Variants in ZER1 observed in about 807,000 individuals in gnomAD.
ZER1 encodes the protein protein zer-1 homolog.
Under a neutral mutation model 78.8 loss-of-function variants are expected in ZER1, and 11 were observed. That is an observed-to-expected ratio of 0.14 (90% CI 0.09 to 0.23). The LOEUF is 0.23. Among genes scored for constraint, ZER1 ranks in the 10% least tolerant of loss-of-function variants. The pLI is 1.00. For synonymous variants in ZER1, 400 were observed against 407.0 expected (o/e 0.98, Z 0.21); for missense variants, 588 against 996.9 (o/e 0.59, Z 5.52).
chr9:128,736,440 C>A (rs1353666802), intron 13 of ZER1, among the ~76,000 whole-genome samples: 1 of 149,398 alleles, frequency 6.7e-6, no homozygotes, highest in Admixed American at 6.7e-5. Flanking sequence ...GTCGCCCAGG[C>A]TGGAGTTCAG....
intron 1 of ZER1, among the ~76,000 whole-genome samples, chr9:128,770,127 C>A (rs1314452913): frequency 2.6e-5 from 4 of 151,964 alleles, no homozygotes; most frequent in Non-Finnish European, 2.9e-5. Flanking sequence ...CCCACTGTTT[C>A]TTTCTTTTTT....
chr9:128,760,646 A>AT (rs1374359224), intron 1 of ZER1, among the ~76,000 whole-genome samples: 1 of 152,004 alleles, frequency 6.6e-6, no homozygotes. Context: ...CAAAAAAAAA[A>AT]GCTGGGTGTT....
chr9:128,739,906 T>C (rs1348395829), intron 13 of ZER1, 25 bp downstream of exon 13: 1 of 1,594,346 alleles, frequency 6.3e-7, no homozygotes, highest in African/African-American at 1.3e-5. Context: ...CCACACCGCA[T>C]CCCCGCTCCC....
chr9:128,744,794 TAG>T (rs1228592486), intron 8 of ZER1, among the ~76,000 whole-genome samples: 1 of 152,204 alleles, frequency 6.6e-6, no homozygotes, highest in Non-Finnish European at 1.5e-5. Context: ...CCGCTTTTTA[TAG>T]AGATATTCTA....
At chr9:128,749,911 C>T (rs1008032778) in intron 8 of ZER1, among the ~76,000 whole-genome samples, 19 of 152,110 alleles carry the variant, frequency 1.2e-4, no homozygotes, top group African/African-American at 3.4e-4. Flanking sequence ...GGCATGGTGG[C>T]GCATGCCTGT....
At chr9:128,766,614 G>C (rs1229286625) in intron 1 of ZER1, among the ~76,000 whole-genome samples, 1 of 151,972 alleles carries the variant, frequency 6.6e-6, no homozygotes, top group Non-Finnish European at 1.5e-5. Context: ...GGGAGGCCAA[G>C]GCAGGTGGAT....
intron 8 of ZER1, among the ~76,000 whole-genome samples, chr9:128,746,825 C>T (rs1412937273): frequency 1.3e-5 from 2 of 151,714 alleles, no homozygotes; most frequent in Admixed American, 6.6e-5. Flanking sequence ...AAGTAGAGAC[C>T]GGGTTTCACC....
chr9:128,766,938 A>C (rs1589550070), intron 1 of ZER1, among the ~76,000 whole-genome samples: 1 of 141,620 alleles, frequency 7.1e-6, no homozygotes, highest in Admixed American at 7.1e-5. Flanking sequence ...TTATTTATTT[A>C]TTTTTCTTTC....
At chr9:128,759,463 C>T (rs1305340463) in intron 1 of ZER1, among the ~76,000 whole-genome samples, 1 of 151,666 alleles carries the variant, frequency 6.6e-6, no homozygotes, top group Non-Finnish European at 1.5e-5. Flanking sequence ...AGATGTGAGC[C>T]ACCGTGCCTG....
chr9:128,765,872 T>C (rs535612378), intron 1 of ZER1, among the ~76,000 whole-genome samples: 2 of 152,234 alleles, frequency 1.3e-5, no homozygotes, highest in Admixed American at 1.3e-4. Context: ...ATGAGTTGGG[T>C]TATGTCAGAA....
In ZER1 at chr9:128,740,722, T is replaced by C. The variant is rs1237077769; in HGVS notation, c.1853+50A>G. The stretch of plus-strand genomic sequence containing the variant: ...TGCAACTGAGCAAACGCTAGAGCTC[T>C]GAGCATTGTGGCAGCTAAGGCAAAA... On this transcript the variant is annotated intron_variant, in intron 12 of 15. Coordinates refer to ENST00000291900, the MANE Select transcript of ZER1 (RefSeq NM_006336.4). This position sits in a 1 kb window ranked among gnomAD's most constrained non-coding sequence, Gnocchi z 4.4. The C allele has an allele frequency of 1.3e-6, 1 of 776,320 alleles. No homozygotes were observed. Among genetic ancestry groups the C allele is most frequent in the African/African-American group, 1.7e-5 (1 of 59,014 alleles). The allele number at this position is 776,320 out of a possible 1,614,324, so 48.1% of individuals were successfully genotyped here.
chr9:128,741,502 G>A (rs1863290768), intron 11 of ZER1, 33 bp downstream of exon 11: 1 of 1,613,878 alleles, frequency 6.2e-7, no homozygotes, highest in South Asian at 1.1e-5. Flanking sequence ...GTGGGCAGCT[G>A]AGGCAGCTGC....
intron 9 of ZER1, 36 bp from the exon 10 acceptor site, chr9:128,741,877 G>A (rs777573200): frequency 6.2e-7 from 1 of 1,614,078 alleles, no homozygotes. Context: ...AGAGTGCTGG[G>A]GCTGAAGAAC....
intron 1 of ZER1, among the ~76,000 whole-genome samples, chr9:128,763,579 T>C (rs1589546597): frequency 6.6e-6 from 1 of 152,202 alleles, no homozygotes; most frequent in South Asian, 2.1e-4. Flanking sequence ...ACAGGGCCCA[T>C]AAGCGCCTGT....
intron 8 of ZER1, among the ~76,000 whole-genome samples, chr9:128,748,245 A>G (rs567655903): frequency 1.3e-5 from 2 of 152,052 alleles, no homozygotes; most frequent in East Asian, 3.9e-4. Context: ...CTCCACTAAA[A>G]ATACAAAAAC....
chr9:128,737,853 C>T (rs1863139855), intron 13 of ZER1, among the ~76,000 whole-genome samples: 1 of 151,548 alleles, frequency 6.6e-6, no homozygotes, highest in African/African-American at 2.4e-5. Flanking sequence ...CAGGTGCCCA[C>T]CACCATGCCT....
In ZER1 at chr9:128,753,973, A is replaced by T. The variant is rs1863776408; in HGVS notation, c.159-14T>A. 1 of 1,576,612 alleles carries T rather than the reference A, an allele frequency of 6.3e-7. No individual in the cohort carries two copies. The highest frequency in any genetic ancestry group is 8.6e-7 in the Non-Finnish European group (1 of 1,161,722). ...AGCTCCACATACCTGGGAGAGAAAA[A>T]AGCCTGGCTCAGGAGAGGGCCACAG... On this transcript the variant is annotated splice_polypyrimidine_tract_variant and intron_variant, in intron 2 of 15. Coordinates refer to ENST00000291900, the MANE Select transcript of ZER1 (RefSeq NM_006336.4). The surrounding 1 kb of genome is among the most constrained non-coding windows in gnomAD (Gnocchi z 7.5).
chr9:128,753,199 G>T lies in ZER1; in HGVS notation c.711C>A (p.Asp237Glu). 1 of 1,569,170 alleles carries T rather than the reference G, an allele frequency of 6.4e-7. No individual in the cohort carries two copies. The highest frequency in any genetic ancestry group is 1.4e-5 in the African/African-American group (1 of 74,028). The change falls in exon 4 of 16, where the codon GAC (aspartate) becomes GAA (glutamate). Residue 237 changes from aspartate to glutamate, a missense_variant. Coordinates refer to ENST00000291900, the MANE Select transcript of ZER1 (RefSeq NM_006336.4). The surrounding 1 kb of genome is among the most constrained non-coding windows in gnomAD (Gnocchi z 7.5). Reference protein sequence around the residue: ...LVLYNMDLSDDHIRVIVQLHK... With the variant: ...LVLYNMDLSDEHIRVIVQLHK... The stretch of plus-strand genomic sequence containing the variant: ...GCAGCTGCACGATGACCCGGATGTG[G>T]TCGTCGGACAGGTCCATGTTGTAGA...
At chr9:128,772,108 G>A (rs895881493), upstream of ZER1, among the ~76,000 whole-genome samples, 4 of 152,204 alleles carry the variant, frequency 2.6e-5, no homozygotes, top group African/African-American at 4.8e-5. Flanking sequence ...CAGGCCACCC[G>A]AGAGAACGCG....
Sources: gnomAD v4.1 joint callset for allele counts (sites outside exome capture counted in the v4.1 genomes callset) on GRCh38, gnomAD v4.1.1 for gene constraint, Gnocchi (gnomAD v3.1) non-coding constraint, MANE v1.5 for transcripts, NCBI Gene and HGNC (gene_info 2026-07-23, HGNC 2026-07-21) for gene names.